CELF2: variants seen among roughly 807,000 people sequenced by gnomAD.
CELF2 encodes CUG triplet repeat RNA-binding protein 2.
Under a neutral mutation model 62.6 loss-of-function variants are expected in CELF2, and 8 were observed. That is an observed-to-expected ratio of 0.13 (90% confidence interval 0.07 to 0.23). The LOEUF (loss-of-function observed/expected upper bound fraction) is 0.23, where lower values mean the gene tolerates loss of function less well. Ranked by LOEUF, CELF2 falls within the 10% of genes least tolerant of loss-of-function variation. The probability of loss-of-function intolerance (pLI) is 1.00; values close to 1 mark genes in which losing one functional copy is unlikely to be tolerated. For synonymous variants in CELF2, 258 were observed against 250.0 expected (o/e 1.03, Z -0.30); for missense variants, 333 against 671.0 (o/e 0.50, Z 5.56).
intron 1 of CELF2, among the ~76,000 whole-genome samples, chr10:11,158,530 G>A (rs2065015489): frequency 6.6e-6 from 1 of 152,080 alleles, no homozygotes; most frequent in East Asian, 1.9e-4. Context: ...TTGCCTGGGT[G>A]AGGGCTGTCT....
Position 11,318,958 on chromosome 10 carries a change from C to T in CELF2, c.1097-2231C>T, listed in dbSNP as rs2095257168. 1 of 471,030 alleles carries T rather than the reference C, an allele frequency of 2.1e-6. No homozygotes were observed. The highest frequency in any genetic ancestry group is 4.4e-6 in the Non-Finnish European group (1 of 227,062). The allele number at this position is 471,030 out of a possible 1,614,324, so 29.2% of individuals were successfully genotyped here. A position where few individuals can be genotyped will look rare whatever the true frequency, so the allele number is the denominator to read the frequency against. ...GGCATCATGGTGGTGCGATGCTGCC[C>T]ACCCCTCCATGGGAACTTGGAGGCG... On this transcript the variant is annotated intron_variant, in intron 10 of 12. Transcript: ENST00000633077. The surrounding 1 kb of genome is among the most constrained non-coding windows in gnomAD (Gnocchi z 5.4).
At chr10:10,633,876 C>T in the CELF2 span, among the ~76,000 whole-genome samples, 1 of 151,672 alleles carries the variant, frequency 6.6e-6, no homozygotes, top group Non-Finnish European at 1.5e-5. Context: ...GACCAAGATA[C>T]CATTTTGTCA....
chr10:11,216,995 G>C (rs946173567), intron 2 of CELF2, among the ~76,000 whole-genome samples: 2 of 152,226 alleles, frequency 1.3e-5, no homozygotes, highest in Non-Finnish European at 2.9e-5. Flanking sequence ...CTGAAGCTTT[G>C]AGTTTAGAAA....
chr10:10,526,095 T>A, the CELF2 span, among the ~76,000 whole-genome samples: 1 of 152,244 alleles, frequency 6.6e-6, no homozygotes, highest in South Asian at 2.1e-4. Flanking sequence ...TTTTCACATA[T>A]AGATGTTGAT....
At chr10:10,728,028 A>G in the CELF2 span, among the ~76,000 whole-genome samples, 1 of 152,082 alleles carries the variant, frequency 6.6e-6, no homozygotes, top group African/African-American at 2.4e-5. Flanking sequence ...GTCATGACTC[A>G]TGCTGACTTG....
intron 1 of CELF2, among the ~76,000 whole-genome samples, chr10:11,045,436 C>T (rs762025313): frequency 2.0e-5 from 3 of 152,180 alleles, no homozygotes; most frequent in Non-Finnish European, 2.9e-5. Flanking sequence ...CACTATGAGA[C>T]TTTATCTTCC....
chr10:10,901,833 G>A (rs1372776108), intron 1 of CELF2, among the ~76,000 whole-genome samples: 2 of 152,144 alleles, frequency 1.3e-5, no homozygotes, highest in African/African-American at 4.8e-5. Flanking sequence ...TACTTTCAAT[G>A]TATAAAGAAT....
chr10:11,083,859 C>T (rs944687595), intron 1 of CELF2, among the ~76,000 whole-genome samples: 8 of 152,238 alleles, frequency 5.3e-5, no homozygotes, highest in South Asian at 2.1e-4. Context: ...AGAAAGTGTA[C>T]GGAGAGGGCC....
chr10:10,859,089 C>T (rs191534552), intron 1 of CELF2, among the ~76,000 whole-genome samples: 9 of 152,148 alleles, frequency 5.9e-5, no homozygotes, highest in African/African-American at 2.2e-4. Flanking sequence ...AAACTTTTTT[C>T]AAGTATTCGT....
At chr10:10,745,278 A>T in the CELF2 span, among the ~76,000 whole-genome samples, 1 of 152,114 alleles carries the variant, frequency 6.6e-6, no homozygotes, top group South Asian at 2.1e-4. Flanking sequence ...AATAACATTT[A>T]TTGGTCACAG....
At chr10:10,985,586 AT>A (rs2052654133) in intron 2 of CELF2, among the ~76,000 whole-genome samples, 1 of 152,172 alleles carries the variant, frequency 6.6e-6, no homozygotes, top group Non-Finnish European at 1.5e-5. Flanking sequence ...TTTGTTGAAG[AT>A]TTTGATGCTG....
chr10:10,798,471 G>T (rs2054298787), upstream of CELF2: 1 of 312,030 alleles, frequency 3.2e-6, no homozygotes, highest in Non-Finnish European at 5.8e-6. Context: ...AGAGATTTAA[G>T]TGAGAGCTGT....
rs955180249 is a variant in CELF2 at position 11,280,726 on chromosome 10, C to T, written c.841+5606C>T. 6.6e-6 allele frequency among the ~76,000 whole-genome samples: 1 copy of T among 152,192 alleles called. No individual in the cohort carries two copies. Among genetic ancestry groups the T allele is most frequent in the Non-Finnish European group, 1.5e-5 (1 of 68,028 alleles). On this transcript the variant is annotated intron_variant, in intron 8 of 12. Coordinates refer to ENST00000633077, the MANE Select transcript of CELF2 (RefSeq NM_001326342.2). The surrounding 1 kb of genome is among the most constrained non-coding windows in gnomAD (Gnocchi z 7.6). Reference sequence around the variant, plus strand: ...GAGGACACATGGGCCACGGCCTCTGCCTGGCTGAGTGGACAGAGGCCGCTC... The same window carrying T: ...GAGGACACATGGGCCACGGCCTCTGTCTGGCTGAGTGGACAGAGGCCGCTC...
At chr10:10,728,977 T>G in the CELF2 span, among the ~76,000 whole-genome samples, 3 of 152,184 alleles carry the variant, frequency 2.0e-5, no homozygotes, top group Middle Eastern at 3.2e-3. Context: ...ATCAATGAAA[T>G]TATCATTATA....
chr10:11,216,738 A>G (rs918455829), intron 2 of CELF2, among the ~76,000 whole-genome samples: 7 of 152,216 alleles, frequency 4.6e-5, no homozygotes, highest in African/African-American at 9.7e-5. Flanking sequence ...GGAAAGGAGG[A>G]ATCAAAATGT....
At chr10:10,792,105 C>T in the CELF2 span, among the ~76,000 whole-genome samples, 3 of 131,396 alleles carry the variant, frequency 2.3e-5, no homozygotes, top group African/African-American at 8.4e-5. Flanking sequence ...AGGTTCCTCA[C>T]CACAGTGGGA....
Position 11,157,180 on chromosome 10 carries a change from G to A in CELF2, c.75-8306G>A, listed in dbSNP as rs556405612. Reference sequence around the variant, plus strand: ...GTCACCCATGCACATGACTGCCGTCGGCGCCAGGGTCTTTGCTGGTACTTC... The same window carrying A: ...GTCACCCATGCACATGACTGCCGTCAGCGCCAGGGTCTTTGCTGGTACTTC... On this transcript the variant is annotated intron_variant, in intron 1 of 12. Transcript: ENST00000633077. This position sits in a 1 kb window ranked among gnomAD's most constrained non-coding sequence, Gnocchi z 4.9. Among the ~76,000 whole-genome samples the A allele has an allele frequency of 3.9e-5, 6 of 152,192 alleles. No individual in the cohort carries two copies. The highest frequency in any genetic ancestry group is 3.9e-4 in the East Asian group (2 of 5,168).
chr10:10,639,593 C>A, the CELF2 span, among the ~76,000 whole-genome samples: 1 of 152,014 alleles, frequency 6.6e-6, no homozygotes, highest in East Asian at 1.9e-4. Flanking sequence ...TTTTAATTGC[C>A]CTGATATATA....
At chr10:10,926,417 C>T (rs2065464967) in intron 2 of CELF2, among the ~76,000 whole-genome samples, 1 of 152,156 alleles carries the variant, frequency 6.6e-6, no homozygotes, top group African/African-American at 2.4e-5. Flanking sequence ...AAGGCTCACA[C>T]GGATGTTGGT....
Sources: gnomAD v4.1 joint callset for allele counts (sites outside exome capture counted in the v4.1 genomes callset) on GRCh38, gnomAD v4.1.1 for gene constraint, Gnocchi (gnomAD v3.1) non-coding constraint, MANE v1.5 for transcripts, NCBI Gene and HGNC (gene_info 2026-07-23, HGNC 2026-07-21) for gene names.